The following CSNK1G3 variants were observed in gnomAD, a reference collection of about 807,000 sequenced individuals.
The protein encoded by CSNK1G3 is casein kinase 1 gamma 3.
CSNK1G3 carries 23 observed loss-of-function variants against 64.3 expected under a neutral mutation model. That is an observed-to-expected ratio of 0.36 (90% CI 0.26 to 0.51). CSNK1G3 has a LOEUF of 0.51. Among genes scored for constraint, CSNK1G3 ranks in the 20% least tolerant of loss-of-function variants. The probability of loss-of-function intolerance (pLI) is 0.96; values close to 1 mark genes in which losing one functional copy is unlikely to be tolerated. For synonymous variants in CSNK1G3, 158 were observed against 162.2 expected, an observed-to-expected ratio of 0.97 and a Z score of 0.20; for missense variants, 357 against 510.5, an observed-to-expected ratio of 0.70 and a Z score of 2.90.
intron 2 of CSNK1G3, among the ~76,000 whole-genome samples, chr5:123,547,431 A>T (rs1782742943): frequency 6.6e-6 from 1 of 152,080 alleles, no homozygotes; most frequent in African/African-American, 2.4e-5. Flanking sequence ...CACACGGCAC[A>T]TGTATATAGG....
chr5:123,600,937 C>T (rs1448156673), intron 10 of CSNK1G3, among the ~76,000 whole-genome samples: 1 of 150,474 alleles, frequency 6.6e-6, no homozygotes, highest in Non-Finnish European at 1.5e-5. Flanking sequence ...AAATAAGAAC[C>T]GTATTAAGTT....
intron 6 of CSNK1G3, among the ~76,000 whole-genome samples, chr5:123,582,372 A>G (rs9327303): frequency 0.98 from 148,517 of 152,204 alleles, 72,465 homozygotes; most frequent in African/African-American, 0.99. Context: ...TGAAGTAGTC[A>G]CTTAATCTTT....
At chr5:123,514,639 T>C (rs1776819679) in intron 1 of CSNK1G3, among the ~76,000 whole-genome samples, 1 of 151,772 alleles carries the variant, frequency 6.6e-6, no homozygotes, top group South Asian at 2.1e-4. Flanking sequence ...CTGGGAAATT[T>C]TGAATGGATG....
chr5:123,582,401 A>G (rs940198964), intron 6 of CSNK1G3, among the ~76,000 whole-genome samples: 2 of 152,048 alleles, frequency 1.3e-5, no homozygotes, highest in Non-Finnish European at 2.9e-5. Flanking sequence ...TACTTTCCTT[A>G]TTTGGGATTA....
chr5:123,512,562 G>A (rs1468318141), exon 1 of CSNK1G3: 1 of 151,490 alleles, frequency 6.6e-6, no homozygotes, highest in Non-Finnish European at 1.5e-5. Context: ...TCGCGGCCGC[G>A]CCTTTGAGGT....
intron 6 of CSNK1G3, among the ~76,000 whole-genome samples, chr5:123,587,274 A>G (rs1259814484): frequency 1.3e-5 from 2 of 152,244 alleles, no homozygotes; most frequent in Non-Finnish European, 2.9e-5. Context: ...TCTTGCACAT[A>G]AACAGACATC....
At chr5:123,572,193 A>ATATG (rs1554076423) in intron 4 of CSNK1G3, among the ~76,000 whole-genome samples, 15 of 152,030 alleles carry the variant, frequency 9.9e-5, no homozygotes, top group Admixed American at 1.3e-4. Context: ...ATATATATAT[A>ATATG]TGTGTGAGAA....
intron 4 of CSNK1G3, among the ~76,000 whole-genome samples, chr5:123,561,129 A>G (rs1019252904): frequency 6.6e-6 from 1 of 152,198 alleles, no homozygotes; most frequent in Non-Finnish European, 1.5e-5. Flanking sequence ...TTCTCTGACA[A>G]TATCCCTCTT....
chr5:123,529,722 C>T (rs1181919835), intron 1 of CSNK1G3, among the ~76,000 whole-genome samples: 2 of 152,050 alleles, frequency 1.3e-5, no homozygotes, highest in Non-Finnish European at 1.5e-5. Flanking sequence ...GTGAATATTT[C>T]GGTAATAAAA....
intron 1 of CSNK1G3, among the ~76,000 whole-genome samples, chr5:123,537,678 T>C (rs1781066399): frequency 6.6e-6 from 1 of 152,188 alleles, no homozygotes; most frequent in African/African-American, 2.4e-5. Flanking sequence ...GGCAGTTGTT[T>C]TTAAAAATCA....
At chr5:123,616,609 G>A (rs898775018) in exon 13 of CSNK1G3, 5 of 152,506 alleles carry the variant, frequency 3.3e-5, no homozygotes, top group African/African-American at 9.7e-5. Context: ...GGTAATGCAG[G>A]TATGTTCAGG....
chr5:123,579,072 A>C (rs76310465), intron 6 of CSNK1G3, among the ~76,000 whole-genome samples: 2,737 of 152,002 alleles, frequency 0.018, 83 homozygotes, highest in African/African-American at 0.062. Context: ...TTTGGACAGA[A>C]TCTTGGAGGT....
intron 12 of CSNK1G3, among the ~76,000 whole-genome samples, chr5:123,613,411 A>ATGTGTGTGTG (rs34051969): frequency 6.7e-6 from 1 of 148,712 alleles, no homozygotes. Context: ...TGTCCAGTGC[A>ATGTGTGTGTG]TGTGTGTGTG....
chr5:123,603,080 G>A (rs112646690), intron 10 of CSNK1G3, among the ~76,000 whole-genome samples: 20 of 152,188 alleles, frequency 1.3e-4, no homozygotes, highest in Admixed American at 3.9e-4. Flanking sequence ...ATCAGCTAGC[G>A]CCAAGTGATT....
chr5:123,514,962 G>C (rs575071403), intron 1 of CSNK1G3, among the ~76,000 whole-genome samples: 1 of 152,242 alleles, frequency 6.6e-6, no homozygotes, highest in East Asian at 1.9e-4. Flanking sequence ...ACGATAGTAA[G>C]TTTAAGGAAA....
intron 3 of CSNK1G3, among the ~76,000 whole-genome samples, chr5:123,555,780 G>T (rs1436556264): frequency 1.3e-5 from 2 of 151,752 alleles, no homozygotes; most frequent in Non-Finnish European, 2.9e-5. Flanking sequence ...GTCAGATTTG[G>T]GTCAGTATTT....
chr5:123,605,436 CTT>C (rs1219500217), intron 12 of CSNK1G3, 74 bp downstream of exon 13: 17 of 1,493,352 alleles, frequency 1.1e-5, no homozygotes, highest in Admixed American at 3.7e-5. Context: ...CATTTTGTGT[CTT>C]TTGAAAACAA....
intron 6 of CSNK1G3, among the ~76,000 whole-genome samples, chr5:123,581,709 TA>T (rs147900093): frequency 5.3e-5 from 8 of 150,306 alleles, no homozygotes; most frequent in Non-Finnish European, 7.4e-5. Context: ...TCTCTTTTTT[TA>T]AAAAAAAAAT....
intron 6 of CSNK1G3, among the ~76,000 whole-genome samples, chr5:123,582,974 T>C (rs1790581086): frequency 6.6e-6 from 1 of 152,230 alleles, no homozygotes; most frequent in Non-Finnish European, 1.5e-5. Flanking sequence ...TTTGTTTTAC[T>C]AGCTAATATT....
Sources: allele counts gnomAD v4.1 joint callset (sites outside exome capture counted in the v4.1 genomes callset), GRCh38; gene constraint gnomAD v4.1.1; transcripts MANE v1.5; gene names NCBI Gene and HGNC (gene_info 2026-07-23, HGNC 2026-07-21).